Variants in CD8B2 observed in about 807,000 individuals in gnomAD.
CD8B2 encodes CD8B family member 2, also known as T-cell surface glycoprotein CD8 beta-2 chain.
A neutral mutation model predicts 23.7 loss-of-function variants in CD8B2; 11 were observed. That is an observed-to-expected ratio of 0.46 (90% CI 0.29 to 0.77). CD8B2 has a LOEUF of 0.77. CD8B2 is among the 30% of genes least tolerant of loss of function. The pLI is 0.09. For missense variants in CD8B2, 197 were observed against 270.5 expected, an observed-to-expected ratio of 0.73 and a Z score of 1.91; for synonymous variants, 90 against 109.3, an observed-to-expected ratio of 0.82 and a Z score of 1.10.
intron 3 of CD8B2, among the ~76,000 whole-genome samples, chr2:106,500,553 TAAA>T (rs1558877226): frequency 2.1e-4 from 32 of 150,882 alleles, no homozygotes; most frequent in African/African-American, 7.5e-4. Context: ...AATAAATAAA[TAAA>T]TAAATAATTA....
At chr2:106,524,029 G>A (rs919978320) in intron 5 of CD8B2, among the ~76,000 whole-genome samples, 1 of 152,160 alleles carries the variant, frequency 6.6e-6, no homozygotes, top group Non-Finnish European at 1.5e-5. Flanking sequence ...AGACAATTGG[G>A]CAGGTTTCAT....
chr2:106,490,962 A>G lies in CD8B2; in HGVS notation c.132A>G (p.Lys44=). Reference sequence around the variant, plus strand: ...TGGTGATGCTGTCCTGCGAGGCTAAAATCTCCCTCAGTAACATGTGCATCT... The same window carrying G: ...TGGTGATGCTGTCCTGCGAGGCTAAGATCTCCCTCAGTAACATGTGCATCT... ...NKMVMLSCEA[K]ISLSNMCIYW... The change falls in exon 2 of 6, where the codon AAA becomes AAG. Residue 44 remains lysine, a synonymous_variant. Transcript: ENST00000643224. The G allele has an allele frequency of 1.2e-6, 2 of 1,613,968 alleles. No individual in the cohort carries two copies. The highest frequency in any genetic ancestry group is 1.7e-6 in the Non-Finnish European group (2 of 1,179,866).
intron 5 of CD8B2, among the ~76,000 whole-genome samples, chr2:106,539,925 C>G (rs559967871): frequency 6.6e-6 from 1 of 152,246 alleles, no homozygotes; most frequent in East Asian, 1.9e-4. Flanking sequence ...ACTTCCTGAT[C>G]GTTAAATCTA....
intron 3 of CD8B2, among the ~76,000 whole-genome samples, chr2:106,499,097 G>A (rs1456317891): frequency 2.0e-5 from 3 of 152,068 alleles, no homozygotes; most frequent in Non-Finnish European, 4.4e-5. Flanking sequence ...GTCACATTTT[G>A]GATGGGAGAC....
chr2:106,513,701 A>T (rs1182758306), downstream of CD8B2, among the ~76,000 whole-genome samples: 1 of 151,788 alleles, frequency 6.6e-6, no homozygotes, highest in Non-Finnish European at 1.5e-5. Flanking sequence ...GGCAAAAGGG[A>T]GGCCATGACT....
chr2:106,492,121 G>A (rs1679208579), intron 2 of CD8B2, among the ~76,000 whole-genome samples: 1 of 151,884 alleles, frequency 6.6e-6, no homozygotes, highest in Non-Finnish European at 1.5e-5. Flanking sequence ...AGGAGACTGA[G>A]CCAGGCCCAG....
At chr2:106,496,685 A>G (rs1404046491) in intron 3 of CD8B2, among the ~76,000 whole-genome samples, 1 of 152,014 alleles carries the variant, frequency 6.6e-6, no homozygotes, top group Non-Finnish European at 1.5e-5. Flanking sequence ...ATATGATTCC[A>G]TGATTATGGA....
intron 5 of CD8B2, among the ~76,000 whole-genome samples, chr2:106,526,275 C>A (rs569000233): frequency 2.6e-5 from 4 of 151,520 alleles, no homozygotes. Context: ...TTTATGAATA[C>A]AACTCACATA....
rs1227792510 is a variant in CD8B2 at position 106,511,016 on chromosome 2, G to C, written c.*4076G>C. Reference sequence around the variant, plus strand: ...CCACTTCTGCTTTGTACAGTTCCTTGTGTGAATTTTTACATCATGTATTAC... The same window carrying C: ...CCACTTCTGCTTTGTACAGTTCCTTCTGTGAATTTTTACATCATGTATTAC... On this transcript the variant is annotated 3_prime_UTR_variant, in exon 6 of 6. Transcript: ENST00000643224. 2.0e-5 allele frequency: 3 copies of C among 152,104 alleles called. No individual in the cohort carries two copies. Among genetic ancestry groups the C allele is most frequent in the Non-Finnish European group, 4.4e-5 (3 of 68,024 alleles). 9.4% of individuals were successfully genotyped at this position (152,104 alleles called of 1,614,324 possible). A position where few individuals can be genotyped will look rare whatever the true frequency, so the allele number is the denominator to read the frequency against.
intron 5 of CD8B2, among the ~76,000 whole-genome samples, chr2:106,539,610 T>C (rs1007892340): frequency 6.6e-6 from 1 of 152,224 alleles, no homozygotes; most frequent in African/African-American, 2.4e-5. Context: ...GCTTACAGGA[T>C]GTTTCACACA....
intron 5 of CD8B2, among the ~76,000 whole-genome samples, chr2:106,527,148 C>T (rs1293447209): frequency 1.3e-5 from 2 of 152,156 alleles, no homozygotes; most frequent in Non-Finnish European, 2.9e-5. Flanking sequence ...TGAGGAACTG[C>T]TGGACTATTC....
intron 5 of CD8B2, among the ~76,000 whole-genome samples, chr2:106,534,976 C>T (rs561210770): frequency 5.4e-4 from 82 of 152,158 alleles, no homozygotes; most frequent in Non-Finnish European, 7.9e-4. Context: ...CATGTGCCAC[C>T]TTGCCCGGCT....
chr2:106,497,474 C>T (rs1260555538), intron 3 of CD8B2, among the ~76,000 whole-genome samples: 2 of 152,142 alleles, frequency 1.3e-5, no homozygotes. Flanking sequence ...TCAGCCCAAA[C>T]GTGTTTCTGG....
chr2:106,520,537 G>A (rs968009978), intron 5 of CD8B2, among the ~76,000 whole-genome samples: 7 of 152,154 alleles, frequency 4.6e-5, no homozygotes, highest in African/African-American at 1.4e-4. Flanking sequence ...TAATATCCGA[G>A]GTTTGTTGCC....
At chr2:106,535,935 G>A (rs956033104) in intron 5 of CD8B2, among the ~76,000 whole-genome samples, 1 of 152,072 alleles carries the variant, frequency 6.6e-6, no homozygotes. Context: ...GAGACCTGAG[G>A]AAGTTTTCAA....
At chr2:106,502,649 G>A in intron 4 of CD8B2, 86 bp downstream of exon 4, 1 of 669,894 alleles carries the variant, frequency 1.5e-6, no homozygotes, top group Non-Finnish European at 2.5e-6. Context: ...GGGGAGCAGA[G>A]CAGATGGCAG....
chr2:106,525,387 AG>A (rs1679892658), intron 5 of CD8B2, among the ~76,000 whole-genome samples: 2 of 152,350 alleles, frequency 1.3e-5, no homozygotes, highest in East Asian at 3.9e-4. Flanking sequence ...GGGCATAGGC[AG>A]TACCGGCACC....
intron 5 of CD8B2, among the ~76,000 whole-genome samples, chr2:106,535,748 A>G (rs1680077463): frequency 6.6e-6 from 1 of 152,166 alleles, no homozygotes; most frequent in Non-Finnish European, 1.5e-5. Context: ...AACATTCTAA[A>G]GCTTGTAAGA....
chr2:106,541,638 T>A (rs541243636), intron 5 of CD8B2, among the ~76,000 whole-genome samples: 5 of 152,336 alleles, frequency 3.3e-5, no homozygotes, highest in African/African-American at 1.2e-4. Context: ...AATCTCTCTC[T>A]ATTAATGAAA....
Sources: allele counts gnomAD v4.1 joint callset (sites outside exome capture counted in the v4.1 genomes callset), GRCh38; gene constraint gnomAD v4.1.1; transcripts MANE v1.5; gene names NCBI Gene and HGNC (gene_info 2026-07-23, HGNC 2026-07-21).